Variants in LRRC1 observed in about 807,000 individuals in gnomAD.
LRRC1 encodes leucine-rich repeat-containing protein 1.
LRRC1 carries 28 observed loss-of-function variants against 69.9 expected under a neutral mutation model. That is an observed-to-expected ratio of 0.40 (90% CI 0.30 to 0.55). The LOEUF is 0.55. LRRC1 is among the 20% of genes least tolerant of loss of function. The pLI is 0.47. For missense variants in LRRC1, 498 were observed against 609.0 expected, an observed-to-expected ratio of 0.82 and a Z score of 1.92; for synonymous variants, 236 against 240.2, an observed-to-expected ratio of 0.98 and a Z score of 0.16.
At chr6:53,810,889 G>A (rs1053670581) in intron 1 of LRRC1, among the ~76,000 whole-genome samples, 1 of 151,880 alleles carries the variant, frequency 6.6e-6, no homozygotes, top group African/African-American at 2.4e-5. Context: ...ACCCTCCCAG[G>A]TCTCCAATCT....
In LRRC1 at chr6:53,899,754, G is replaced by A; in HGVS notation, c.650G>A (p.Gly217Glu). The A allele has an allele frequency of 6.2e-7, 1 of 1,613,208 alleles. No homozygotes were observed. The highest frequency in any genetic ancestry group is 8.5e-7 in the Non-Finnish European group (1 of 1,179,718). ...TCCATGTCATTGTTATAGGAAATAG[G>A]AAATCTGAAGAACCTGCTGTGTTTA... ...NQLSELPQEIGNLKNLLCLDV... is the reference protein window; with the variant it reads ...NQLSELPQEIENLKNLLCLDV... Residue 217 changes from glycine (G) to glutamate (E), a missense_variant, in exon 8 of 14, where the codon GGA (glycine) becomes GAA (glutamate). Physicochemically the swap from Gly to Glu is moderately conservative, Grantham distance 98. This residue lies in a region of LRRC1 where 266 missense variants were observed against 383.9 expected (regional missense o/e 0.69). Coordinates refer to ENST00000370888, the MANE Select transcript of LRRC1 (RefSeq NM_018214.5).
At chr6:53,819,319 G>A (rs1253297183) in intron 1 of LRRC1, among the ~76,000 whole-genome samples, 1 of 152,104 alleles carries the variant, frequency 6.6e-6, no homozygotes, top group Non-Finnish European at 1.5e-5. Context: ...TCCTTATGAT[G>A]TATGCTTCTG....
intron 1 of LRRC1, among the ~76,000 whole-genome samples, chr6:53,830,886 G>A (rs1765407513): frequency 6.7e-6 from 1 of 149,366 alleles, no homozygotes. Flanking sequence ...TGGTGCAAAA[G>A]TAATTATGGT....
chr6:53,829,779 G>A (rs1010342375), intron 1 of LRRC1, among the ~76,000 whole-genome samples: 2 of 152,102 alleles, frequency 1.3e-5, no homozygotes, highest in Non-Finnish European at 2.9e-5. Context: ...TACCGAGAAC[G>A]GATTGTGCCC....
chr6:53,896,653 T>C, intron 5 of LRRC1, 99 bp downstream of exon 5: 1 of 1,193,780 alleles, frequency 8.4e-7, no homozygotes, highest in Non-Finnish European at 1.2e-6. Context: ...TTTGTGTGTT[T>C]TGGGAAGTTT....
At chr6:53,819,279 C>T (rs1765046094) in intron 1 of LRRC1, among the ~76,000 whole-genome samples, 1 of 152,056 alleles carries the variant, frequency 6.6e-6, no homozygotes, top group Non-Finnish European at 1.5e-5. Flanking sequence ...CTAACACAGC[C>T]CTTTGTTGCC....
rs539544558 is a variant in LRRC1 at position 53,870,592 on chromosome 6, G to A, written c.278-8401G>A. Among the ~76,000 whole-genome samples the A allele has an allele frequency of 6.6e-5, 10 of 152,216 alleles. No individual in the cohort carries two copies. In the East Asian group the frequency reaches 9.6e-4, roughly 15 times the overall value. ...TACAGTGCATAGTGATCAAATCAGG[G>A]TAGTTAGCATATTTGTGACCTCAAC... On this transcript the variant is annotated intron_variant, in intron 2 of 13. Coordinates refer to ENST00000370888, the MANE Select transcript of LRRC1 (RefSeq NM_018214.5).
At chr6:53,817,400 T>A (rs772087044) in intron 1 of LRRC1, among the ~76,000 whole-genome samples, 2 of 152,234 alleles carry the variant, frequency 1.3e-5, no homozygotes, top group Non-Finnish European at 2.9e-5. Context: ...TAAATCAAGC[T>A]AATTAACATG....
chr6:53,814,896 ATGTGAATGTGGC>A (rs1256479488), intron 1 of LRRC1, among the ~76,000 whole-genome samples: 2 of 152,156 alleles, frequency 1.3e-5, no homozygotes, highest in African/African-American at 4.8e-5. Flanking sequence ...TTAAAGAATG[ATGTGAATGTGGC>A]TGTGTGGTGG....
At chr6:53,810,363 GTAAT>G (rs1458440702) in intron 1 of LRRC1, among the ~76,000 whole-genome samples, 1 of 152,230 alleles carries the variant, frequency 6.6e-6, no homozygotes, top group Non-Finnish European at 1.5e-5. Context: ...GCTCACACCT[GTAAT>G]CCCAGCACTT....
chr6:53,862,286 CGT>C (rs6149589), intron 2 of LRRC1, among the ~76,000 whole-genome samples: 53,710 of 143,808 alleles, frequency 0.37, 9,618 homozygotes, highest in Middle Eastern at 0.43. Flanking sequence ...TAACCTGAAT[CGT>C]GTGTGTGTGT....
intron 1 of LRRC1, among the ~76,000 whole-genome samples, chr6:53,813,174 G>A (rs1231915156): frequency 3.3e-5 from 5 of 152,102 alleles, no homozygotes; most frequent in African/African-American, 1.2e-4. Context: ...CCATGGGAGA[G>A]GTCATGGCCA....
At chr6:53,798,646 T>C (rs925098948) in intron 1 of LRRC1, among the ~76,000 whole-genome samples, 8 of 152,378 alleles carry the variant, frequency 5.3e-5, no homozygotes, top group Middle Eastern at 3.4e-3. Context: ...CCCAAAGTGC[T>C]GGGATTACAG....
Position 53,805,890 on chromosome 6 carries a change from C to T in LRRC1, c.159+10475C>T, listed in dbSNP as rs548766859. Among the ~76,000 whole-genome samples the T allele has an allele frequency of 5.9e-5, 9 of 152,338 alleles. No individual in the cohort carries two copies. The East Asian group carries it at 1.7e-3, about 29-fold the overall frequency. On this transcript the variant is annotated intron_variant, in intron 1 of 13. Transcript: ENST00000370888. ...TGCTGTGGTGGCTTCCCTGCACCAG[C>T]AGGATACAGTCTGGCGGCATGCCAT...
rs1473195973 is a variant in LRRC1, at chr6:53,831,112, A to G, written c.160-10998A>G. 2.6e-5 allele frequency among the ~76,000 whole-genome samples: 4 copies of G among 151,972 alleles called. No individual in the cohort carries two copies. The East Asian group carries it at 7.8e-4, about 30-fold the overall frequency. On this transcript the variant is annotated intron_variant, in intron 1 of 13. Transcript: ENST00000370888. ...ATGTTTTAGCTTATGTATATTTAGA[A>G]TATGTTAGAAGATGTTTTGAGGCAA...
chr6:53,800,055 G>A (rs1764423699), intron 1 of LRRC1, among the ~76,000 whole-genome samples: 1 of 152,102 alleles, frequency 6.6e-6, no homozygotes. Context: ...AGTTCAAAAT[G>A]CTGCCCCAAC....
At chr6:53,898,474 G>A (rs115907066) in intron 7 of LRRC1, among the ~76,000 whole-genome samples, 21 of 152,322 alleles carry the variant, frequency 1.4e-4, no homozygotes, top group African/African-American at 5.1e-4. Flanking sequence ...ATGTTCAGAT[G>A]TGTGTAAATG....
intron 1 of LRRC1, among the ~76,000 whole-genome samples, chr6:53,803,436 A>G (rs1470014569): frequency 6.6e-6 from 1 of 152,166 alleles, no homozygotes; most frequent in Non-Finnish European, 1.5e-5. Context: ...CTGAGGGGTG[A>G]TGAGACCATG....
At chr6:53,874,050 T>C (rs1250081878) in intron 2 of LRRC1, among the ~76,000 whole-genome samples, 1 of 152,206 alleles carries the variant, frequency 6.6e-6, no homozygotes, top group Admixed American at 6.5e-5. Context: ...GCGGCCTTGC[T>C]TGCCTGAACA....
Sources: gnomAD v4.1 joint callset for allele counts (sites outside exome capture counted in the v4.1 genomes callset) on GRCh38, gnomAD v4.1.1 for gene constraint, gnomAD v4.1.1 regional missense constraint, MANE v1.5 for transcripts, NCBI Gene and HGNC (gene_info 2026-07-23, HGNC 2026-07-21) for gene names.